The following SUGCT variants were observed in gnomAD, a reference collection of about 807,000 sequenced individuals.
SUGCT encodes the protein succinyl-CoA:glutarate CoA-transferase.
A neutral mutation model predicts 55.0 loss-of-function variants in SUGCT; 41 were observed. The observed-to-expected ratio is 0.74, with a 90% CI of 0.58 to 0.97. SUGCT has a LOEUF of 0.97. Ranked by LOEUF, SUGCT falls within the 50% of genes least tolerant of loss-of-function variation. SUGCT has a pLI of 0.00. For missense variants in SUGCT, 568 were observed against 547.8 expected (o/e 1.04, Z -0.37); for synonymous variants, 187 against 200.4 (o/e 0.93, Z 0.56).
intron 13 of SUGCT, among the ~76,000 whole-genome samples, chr7:40,750,783 A>G (rs6970230): frequency 0.14 from 21,021 of 152,240 alleles, 1,540 homozygotes; most frequent in Middle Eastern, 0.22. Context: ...AAAAACTGAG[A>G]TCACATGTTC....
chr7:40,179,799 G>A (rs1231752282), intron 1 of SUGCT, among the ~76,000 whole-genome samples: 1 of 152,172 alleles, frequency 6.6e-6, no homozygotes, highest in Non-Finnish European at 1.5e-5. Context: ...AAAAAGTCAA[G>A]CCCCAGTGTG....
intron 12 of SUGCT, among the ~76,000 whole-genome samples, chr7:40,564,234 GGT>G (rs1796003070): frequency 6.6e-6 from 1 of 152,104 alleles, no homozygotes; most frequent in Non-Finnish European, 1.5e-5. Context: ...AAATTAGCCG[GGT>G]GTGGTAGCAG....
chr7:40,777,565 G>A (rs1789526903), intron 13 of SUGCT, among the ~76,000 whole-genome samples: 1 of 151,912 alleles, frequency 6.6e-6, no homozygotes, highest in African/African-American at 2.4e-5. Context: ...TGTCCAAATT[G>A]CTTGAAGTAC....
intron 12 of SUGCT, among the ~76,000 whole-genome samples, chr7:40,596,319 G>A (rs1798007695): frequency 6.6e-6 from 1 of 152,084 alleles, no homozygotes; most frequent in African/African-American, 2.4e-5. Context: ...GGCACTGGGA[G>A]TACATCATGT....
intron 12 of SUGCT, among the ~76,000 whole-genome samples, chr7:40,663,812 G>A (rs1801460845): frequency 6.6e-6 from 1 of 152,114 alleles, no homozygotes; most frequent in Non-Finnish European, 1.5e-5. Flanking sequence ...TCACCTAGAG[G>A]TTTATTAGAA....
chr7:40,809,428 G>T (rs1791284665), intron 13 of SUGCT, among the ~76,000 whole-genome samples: 1 of 151,932 alleles, frequency 6.6e-6, no homozygotes, highest in Admixed American at 6.6e-5. Context: ...GTGTGTGTGT[G>T]CTCTCTCTTT....
chr7:40,250,868 A>G (rs1013841028), intron 7 of SUGCT, among the ~76,000 whole-genome samples: 1 of 115,976 alleles, frequency 8.6e-6, no homozygotes, highest in African/African-American at 3.6e-5. Context: ...ACGGGGTCTC[A>G]CCCTTTTGCC....
intron 9 of SUGCT, among the ~76,000 whole-genome samples, chr7:40,440,601 C>G (rs567239838): frequency 6.6e-6 from 1 of 152,244 alleles, no homozygotes; most frequent in Non-Finnish European, 1.5e-5. Flanking sequence ...CAACTCTCAA[C>G]CATGATATTC....
intron 12 of SUGCT, among the ~76,000 whole-genome samples, chr7:40,531,899 C>T (rs564101138): frequency 2.0e-5 from 3 of 152,284 alleles, no homozygotes; most frequent in Admixed American, 6.5e-5. Flanking sequence ...TGATCTCGAT[C>T]TCCTGACCTC....
At chr7:40,837,633 G>C (rs557457143) in intron 13 of SUGCT, among the ~76,000 whole-genome samples, 41 of 151,698 alleles carry the variant, frequency 2.7e-4, no homozygotes, top group Non-Finnish European at 4.1e-4. Flanking sequence ...ACCCAGGCTG[G>C]AGTGCAATGG....
At chr7:40,533,831 C>T (rs1384329866) in intron 12 of SUGCT, among the ~76,000 whole-genome samples, 1 of 152,082 alleles carries the variant, frequency 6.6e-6, no homozygotes, top group Non-Finnish European at 1.5e-5. Flanking sequence ...TAAAAAGTTA[C>T]TCAGCTTCTT....
intron 9 of SUGCT, among the ~76,000 whole-genome samples, chr7:40,410,980 A>C (rs1786644215): frequency 6.6e-6 from 1 of 152,194 alleles, no homozygotes; most frequent in African/African-American, 2.4e-5. Context: ...AAAAAGGGTT[A>C]GATTTAGTTA....
At chr7:40,493,592 AAT>A (rs1281495878) in intron 11 of SUGCT, among the ~76,000 whole-genome samples, 1 of 152,174 alleles carries the variant, frequency 6.6e-6, no homozygotes, top group African/African-American at 2.4e-5. Flanking sequence ...TCTAGAATGA[AAT>A]ATATGTGTTG....
chr7:40,142,519 T>G (rs543842413), intron 1 of SUGCT, among the ~76,000 whole-genome samples: 57 of 152,310 alleles, frequency 3.7e-4, no homozygotes, highest in African/African-American at 1.3e-3. Context: ...AACCCATGGA[T>G]GCATGGTGTG....
intron 12 of SUGCT, among the ~76,000 whole-genome samples, chr7:40,740,974 T>C (rs886183332): frequency 6.6e-6 from 1 of 152,102 alleles, no homozygotes; most frequent in African/African-American, 2.4e-5. Flanking sequence ...ATCCAGAATA[T>C]GTAAAAAACT....
At chr7:40,891,543 A>C in the SUGCT span, among the ~76,000 whole-genome samples, 1 of 152,212 alleles carries the variant, frequency 6.6e-6, no homozygotes, top group Non-Finnish European at 1.5e-5. Flanking sequence ...AAAAACTGCC[A>C]ATCAGGAATA....
Position 40,516,799 on chromosome 7 carries a change from G to GT in SUGCT, c.1089+20420dup, listed in dbSNP as rs574645474. 5.3e-5 allele frequency among the ~76,000 whole-genome samples: 8 copies of GT among 151,748 alleles called. No individual in the cohort carries two copies. In the East Asian group the frequency reaches 9.6e-4, roughly 18 times the overall value. ...TTTTCTTCTTTTTCAAGATTGTTTTGTTTTTTTCTAGGCCCCTTCCATTTC... is the reference window on the plus strand; with the variant it reads ...TTTTCTTCTTTTTCAAGATTGTTTTGTTTTTTTTCTAGGCCCCTTCCATTTC... On this transcript the variant is annotated intron_variant, in intron 12 of 13. Coordinates refer to ENST00000335693, the MANE Select transcript of SUGCT (RefSeq NM_001193313.2).
At chr7:40,838,169 TTAAAA>T (rs1336491718) in intron 13 of SUGCT, among the ~76,000 whole-genome samples, 9 of 152,204 alleles carry the variant, frequency 5.9e-5, no homozygotes, top group African/African-American at 2.2e-4. Flanking sequence ...ATAATAATAG[TTAAAA>T]TAGAATAGAA....
At chr7:40,784,984 G>T (rs1271398166) in intron 13 of SUGCT, among the ~76,000 whole-genome samples, 1 of 152,124 alleles carries the variant, frequency 6.6e-6, no homozygotes, top group East Asian at 1.9e-4. Flanking sequence ...CTTAACAGGG[G>T]ACATTTACCT....
Sources: allele counts gnomAD v4.1 joint callset (sites outside exome capture counted in the v4.1 genomes callset), GRCh38; gene constraint gnomAD v4.1.1; transcripts MANE v1.5; gene names NCBI Gene and HGNC (gene_info 2026-07-23, HGNC 2026-07-21).